Variants in PDE1A observed in about 807,000 individuals in gnomAD.
PDE1A encodes dual specificity calcium/calmodulin-dependent 3',5'-cyclic nucleotide phosphodiesterase 1A.
PDE1A carries 35 observed loss-of-function variants against 61.7 expected under a neutral mutation model. The ratio of observed to expected loss-of-function variants is 0.57; its 90% CI spans 0.43 to 0.75. The LOEUF (loss-of-function observed/expected upper bound fraction) is 0.75, where lower values mean the gene tolerates loss of function less well. Ranked by LOEUF, PDE1A falls within the 30% of genes least tolerant of loss-of-function variation. The probability of loss-of-function intolerance (pLI) is 0.00; values close to 1 mark genes in which losing one functional copy is unlikely to be tolerated. For missense variants in PDE1A, 597 were observed against 630.6 expected (o/e 0.95, Z 0.57); for synonymous variants, 232 against 213.2 (o/e 1.09, Z -0.77).
chr2:182,415,687 G>A (rs1398186501), intron 1 of PDE1A, among the ~76,000 whole-genome samples: 7 of 152,074 alleles, frequency 4.6e-5, no homozygotes. Flanking sequence ...TCTAGTAAGT[G>A]TATCATATGT....
chr2:182,671,959 C>T, the PDE1A span, among the ~76,000 whole-genome samples: 3 of 152,104 alleles, frequency 2.0e-5, no homozygotes, highest in Non-Finnish European at 4.4e-5. Context: ...AGTGACCATA[C>T]ACCCCGCAAT....
the PDE1A span, among the ~76,000 whole-genome samples, chr2:182,713,665 G>A: frequency 1.3e-5 from 2 of 152,074 alleles, no homozygotes; most frequent in African/African-American, 4.8e-5. Context: ...AATGAACTGT[G>A]TAAGATTATC....
intron 1 of PDE1A, among the ~76,000 whole-genome samples, chr2:182,420,698 G>A (rs568599261): frequency 5.9e-5 from 9 of 152,158 alleles, no homozygotes; most frequent in South Asian, 2.1e-4. Flanking sequence ...AACACTAAAC[G>A]TGGATACCAA....
the PDE1A span, among the ~76,000 whole-genome samples, chr2:182,647,437 A>G: frequency 6.6e-6 from 1 of 152,134 alleles, no homozygotes; most frequent in Admixed American, 6.5e-5. Context: ...ATAATTTGTC[A>G]TTTTTCCTAT....
intron 12 of PDE1A, among the ~76,000 whole-genome samples, 157 bp from the exon 13 acceptor site, chr2:182,186,236 C>A (rs1368216): frequency 1.3e-5 from 2 of 151,970 alleles, no homozygotes; most frequent in African/African-American, 2.4e-5. Context: ...CTTTCTCTCC[C>A]TCCCCACACT....
intron 13 of PDE1A, among the ~76,000 whole-genome samples, chr2:182,169,906 A>G (rs1176772930): frequency 2.7e-5 from 2 of 74,604 alleles, no homozygotes; most frequent in African/African-American, 9.0e-5. Flanking sequence ...ACACACACAC[A>G]CACACACACA....
chr2:182,658,073 C>CAAAAAAAAAAACAA, the PDE1A span, among the ~76,000 whole-genome samples: 1 of 119,564 alleles, frequency 8.4e-6, no homozygotes, highest in African/African-American at 3.4e-5. Flanking sequence ...AAAAAAAAAA[C>CAAAAAAAAAAACAA]AAAAAAACTT....
chr2:182,157,807 A>T lies in PDE1A; in HGVS notation c.1517-10655T>A, dbSNP rs191286948. ...AAATTTGTAAACTGAGTTGAATTGG[A>T]GCTACCAAATGCCCCCAGAAATAAA... On this transcript the variant is annotated intron_variant, in intron 13 of 13. Coordinates refer to the PDE1A transcript ENST00000409365. 2.6e-5 allele frequency among the ~76,000 whole-genome samples: 4 copies of T among 152,314 alleles called. No homozygotes were observed. In the East Asian group the frequency reaches 7.7e-4, roughly 29 times the overall value.
chr2:182,190,268 A>G (rs3769794), intron 10 of PDE1A, among the ~76,000 whole-genome samples: 42,475 of 152,098 alleles, frequency 0.28, 7,117 homozygotes, highest in African/African-American at 0.47. Flanking sequence ...CATAACTCAG[A>G]GAAAACAAGG....
At chr2:182,529,451 T>C in the PDE1A span, among the ~76,000 whole-genome samples, 1 of 152,344 alleles carries the variant, frequency 6.6e-6, no homozygotes, top group South Asian at 2.1e-4. Flanking sequence ...CCTTTTATTT[T>C]ACAGACTCAT....
intron 1 of PDE1A, among the ~76,000 whole-genome samples, chr2:182,378,781 A>G (rs1700563572): frequency 1.3e-5 from 2 of 152,182 alleles, no homozygotes; most frequent in Admixed American, 1.3e-4. Context: ...TCAATCTCAA[A>G]TCTTCTGACT....
chr2:182,255,069 T>G (rs1294374844), intron 2 of PDE1A, among the ~76,000 whole-genome samples: 5 of 152,168 alleles, frequency 3.3e-5, no homozygotes, highest in African/African-American at 1.2e-4. Context: ...GGTGTGAGGA[T>G]GTGAAGCTTG....
chr2:182,416,155 T>C (rs1269016820), intron 1 of PDE1A, among the ~76,000 whole-genome samples: 1 of 152,126 alleles, frequency 6.6e-6, no homozygotes, highest in African/African-American at 2.4e-5. Context: ...TGTATAAAAT[T>C]AAAAAATATA....
chr2:182,530,281 T>C, the PDE1A span, among the ~76,000 whole-genome samples: 1 of 152,084 alleles, frequency 6.6e-6, no homozygotes, highest in African/African-American at 2.4e-5. Flanking sequence ...TTAGCAACTT[T>C]GAGAGAAATT....
Position 182,191,421 on chromosome 2 carries a change from TAAAATA to T in PDE1A, c.1126-2367_1126-2362del, listed in dbSNP as rs1035803727. Among the ~76,000 whole-genome samples, 30 of 152,246 alleles carry T rather than the reference TAAAATA, an allele frequency of 2.0e-4. 1 individual carries two copies. Among genetic ancestry groups the T allele is most frequent in the African/African-American group, 7.2e-4 (30 of 41,566 alleles). ...AATACTAATATTACTATTGATGAAA[TAAAATA>T]GAAATAAAGCTACCGATAGGCTTTT... is the stretch of plus-strand genomic sequence containing the variant. On this transcript the variant is annotated intron_variant, in intron 10 of 13. Transcript: ENST00000351439.
chr2:182,296,488 A>G (rs949571323), intron 1 of PDE1A, among the ~76,000 whole-genome samples: 1 of 152,244 alleles, frequency 6.6e-6, no homozygotes, highest in African/African-American at 2.4e-5. Flanking sequence ...ATAGACACAG[A>G]TACAGATATA....
chr2:182,606,716 C>T, the PDE1A span, among the ~76,000 whole-genome samples: 1 of 152,136 alleles, frequency 6.6e-6, no homozygotes, highest in African/African-American at 2.4e-5. Context: ...GTATATCTAA[C>T]TTTTCAGAGT....
At chr2:182,442,487 T>TTAA (rs1684856518) in intron 2 of PDE1A, among the ~76,000 whole-genome samples, 1 of 152,100 alleles carries the variant, frequency 6.6e-6, no homozygotes. Flanking sequence ...GTATTTTACC[T>TTAA]GTATTAAATT....
the PDE1A span, among the ~76,000 whole-genome samples, chr2:182,563,123 C>T: frequency 3.3e-5 from 5 of 152,188 alleles, no homozygotes; most frequent in Admixed American, 2.0e-4. Flanking sequence ...GCTCTTGCTT[C>T]TCTAGTTCTT....
Sources: allele counts gnomAD v4.1 joint callset (sites outside exome capture counted in the v4.1 genomes callset), GRCh38; gene constraint gnomAD v4.1.1; transcripts MANE v1.5; gene names NCBI Gene and HGNC (gene_info 2026-07-23, HGNC 2026-07-21).